The following GALNTL6 variants were observed in gnomAD, a reference collection of about 807,000 sequenced individuals.
The protein encoded by GALNTL6 is polypeptide N-acetylgalactosaminyltransferase like 6.
A neutral mutation model predicts 73.7 loss-of-function variants in GALNTL6; 46 were observed. The observed-to-expected ratio is 0.62, with a 90% CI of 0.49 to 0.80. The LOEUF (loss-of-function observed/expected upper bound fraction) is 0.80, where lower values mean the gene tolerates loss of function less well. Ranked by LOEUF, GALNTL6 falls within the 30% of genes least tolerant of loss-of-function variation. GALNTL6 has a pLI of 0.00. For missense variants in GALNTL6, 604 were observed against 755.0 expected, an observed-to-expected ratio of 0.80 and a Z score of 2.34; for synonymous variants, 259 against 263.7, an observed-to-expected ratio of 0.98 and a Z score of 0.17.
intron 5 of GALNTL6, among the ~76,000 whole-genome samples, chr4:172,603,439 A>T (rs183164295): frequency 1.1e-4 from 16 of 152,306 alleles, no homozygotes; most frequent in African/African-American, 3.8e-4. Context: ...GCATTTGCCC[A>T]AACCAGTAAA....
chr4:172,454,085 A>C (rs1380219311), intron 5 of GALNTL6, among the ~76,000 whole-genome samples: 1 of 152,218 alleles, frequency 6.6e-6, no homozygotes, highest in Admixed American at 6.5e-5. Flanking sequence ...GTTTCAGTGG[A>C]GGAAAAGATA....
intron 8 of GALNTL6, among the ~76,000 whole-genome samples, chr4:172,900,727 G>T (rs1439846245): frequency 6.6e-6 from 1 of 152,042 alleles, no homozygotes; most frequent in Non-Finnish European, 1.5e-5. Context: ...AGTTCAAGAG[G>T]TTTTTTTCTT....
intron 2 of GALNTL6, among the ~76,000 whole-genome samples, chr4:172,169,248 G>A (rs894502068): frequency 1.8e-4 from 27 of 152,280 alleles, no homozygotes; most frequent in African/African-American, 6.0e-4. Flanking sequence ...CCAGTCTAAC[G>A]TTAGCTGGAG....
chr4:172,866,721 G>A (rs1007473005), intron 7 of GALNTL6, among the ~76,000 whole-genome samples: 2 of 152,124 alleles, frequency 1.3e-5, no homozygotes, highest in Non-Finnish European at 2.9e-5. Flanking sequence ...CTTGCAGTGA[G>A]GATGCTGCTG....
At chr4:172,841,630 G>A (rs1276591635) in intron 7 of GALNTL6, among the ~76,000 whole-genome samples, 1 of 152,130 alleles carries the variant, frequency 6.6e-6, no homozygotes, top group East Asian at 1.9e-4. Context: ...CACGGTGGCT[G>A]GAGAGAGAGA....
chr4:172,983,199 A>G (rs1751147147), intron 10 of GALNTL6, among the ~76,000 whole-genome samples: 1 of 152,218 alleles, frequency 6.6e-6, no homozygotes, highest in Non-Finnish European at 1.5e-5. Context: ...ATAAGCCACC[A>G]CAAGCCAAGG....
chr4:172,770,231 A>C (rs1738683396), intron 5 of GALNTL6, among the ~76,000 whole-genome samples: 1 of 151,620 alleles, frequency 6.6e-6, no homozygotes, highest in South Asian at 2.1e-4. Context: ...GCACCATTGC[A>C]CTCCAGCCTG....
At chr4:172,067,156 A>C (rs1214767353) in intron 2 of GALNTL6, among the ~76,000 whole-genome samples, 1 of 151,876 alleles carries the variant, frequency 6.6e-6, no homozygotes, top group Non-Finnish European at 1.5e-5. Flanking sequence ...CATACATTCT[A>C]GATCTTTTCA....
At chr4:171,874,752 A>C (rs13130415) in intron 2 of GALNTL6, among the ~76,000 whole-genome samples, 34,595 of 152,000 alleles carry the variant, frequency 0.23, 4,688 homozygotes, top group African/African-American at 0.37. Context: ...CAACCCAAGA[A>C]TCTATTTTAA....
At chr4:172,229,592 T>C in intron 2 of GALNTL6, 64 bp from the exon 3 acceptor site, 2 of 915,310 alleles carry the variant, frequency 2.2e-6, no homozygotes, top group South Asian at 2.8e-5. Context: ...TGCCCGGCTG[T>C]GTTTACCTAC....
At chr4:172,878,435 G>A (rs1745294477) in intron 7 of GALNTL6, among the ~76,000 whole-genome samples, 1 of 151,878 alleles carries the variant, frequency 6.6e-6, no homozygotes, top group East Asian at 1.9e-4. Flanking sequence ...ATAATACAAT[G>A]TGGGATTTAA....
chr4:172,246,595 T>G (rs916136211), intron 3 of GALNTL6, among the ~76,000 whole-genome samples: 51 of 152,056 alleles, frequency 3.4e-4, no homozygotes, highest in African/African-American at 1.2e-3. Context: ...ATTCAATGCA[T>G]TATCCAAACT....
At chr4:171,863,656 T>TATG (rs1735897170) in intron 2 of GALNTL6, among the ~76,000 whole-genome samples, 1 of 152,180 alleles carries the variant, frequency 6.6e-6, no homozygotes, top group South Asian at 2.1e-4. Flanking sequence ...AGCTGGATAT[T>TATG]CATCATTAGT....
At chr4:172,732,716 A>T (rs1157805630) in intron 5 of GALNTL6, among the ~76,000 whole-genome samples, 2 of 152,124 alleles carry the variant, frequency 1.3e-5, no homozygotes, top group Non-Finnish European at 2.9e-5. Flanking sequence ...TGCTGTGGTT[A>T]TCATGAGATT....
At chr4:172,112,312 G>A (rs889596240) in intron 2 of GALNTL6, among the ~76,000 whole-genome samples, 1 of 151,946 alleles carries the variant, frequency 6.6e-6, no homozygotes. Context: ...AGACACATTG[G>A]TTGCTTTCAA....
At chr4:172,817,550 A>T (rs371865607) in intron 7 of GALNTL6, among the ~76,000 whole-genome samples, 1 of 152,214 alleles carries the variant, frequency 6.6e-6, no homozygotes. Context: ...CTTGTTATTC[A>T]TGGCTTTTAG....
chr4:172,521,525 C>T (rs1024539691), intron 5 of GALNTL6, among the ~76,000 whole-genome samples: 3 of 152,144 alleles, frequency 2.0e-5, no homozygotes, highest in African/African-American at 7.2e-5. Flanking sequence ...AGAAGGTACC[C>T]TTTAGAGCAG....
chr4:172,064,885 C>T lies in GALNTL6; in HGVS notation c.139-164771C>T, dbSNP rs539858201. ...GAAAAAAACAATAATCACTATTTTT[C>T]AATATAAATATCTCATATGAAAATA... On this transcript the variant is annotated intron_variant, in intron 2 of 12. Coordinates refer to ENST00000506823, the MANE Select transcript of GALNTL6 (RefSeq NM_001034845.3). Among the ~76,000 whole-genome samples the T allele has an allele frequency of 1.3e-3, 197 of 152,106 alleles. No individual in the cohort carries two copies. In the Middle Eastern group the frequency reaches 0.014, roughly 11 times the overall value.
intron 5 of GALNTL6, among the ~76,000 whole-genome samples, chr4:172,606,192 G>T (rs28482371): frequency 0.36 from 54,223 of 151,930 alleles, 10,570 homozygotes; most frequent in African/African-American, 0.49. Context: ...TAAAGGATGA[G>T]AAATTAATAC....
Sources: allele counts gnomAD v4.1 joint callset (sites outside exome capture counted in the v4.1 genomes callset), GRCh38; gene constraint gnomAD v4.1.1; transcripts MANE v1.5; gene names NCBI Gene and HGNC (gene_info 2026-07-23, HGNC 2026-07-21).